Variants in KIT observed in about 807,000 individuals in gnomAD.
KIT encodes KIT proto-oncogene, receptor tyrosine kinase.
KIT carries 16 observed loss-of-function variants against 105.7 expected under a neutral mutation model. The ratio of observed to expected loss-of-function variants is 0.15; its 90% confidence interval spans 0.10 to 0.23. The LOEUF is 0.23. Ranked by LOEUF, KIT falls within the 10% of genes least tolerant of loss-of-function variation. The pLI, the probability that KIT is intolerant of heterozygous loss-of-function variation, is 1.00. For missense variants in KIT, 858 were observed against 1,213.8 expected (o/e 0.71, Z 4.36); for synonymous variants, 438 against 441.1 (o/e 0.99, Z 0.09).
In KIT at chr4:54,732,045, A is replaced by ATTT. The variant is rs71662297; in HGVS notation, c.2361+70_2361+72dup. The ATTT allele has an allele frequency of 5.3e-3, 4,689 of 883,210 alleles. 1 individual carries two copies. The highest frequency in any genetic ancestry group is 6.9e-3 in the Middle Eastern group (18 of 2,600). The allele number at this position is 883,210 out of a possible 1,614,324, so 54.7% of individuals were successfully genotyped here. ...AAGAGTTTTGTGTTTTGTTTTTTTG[A>ATTT]TTTTTTTTTTTTTTTTTTTTTTTTT... On this transcript the variant is annotated intron_variant, in intron 16 of 20. Transcript: ENST00000288135.
intron 7 of KIT, among the ~76,000 whole-genome samples, chr4:54,713,969 A>G (rs746452159): frequency 6.6e-6 from 1 of 152,220 alleles, no homozygotes; most frequent in Non-Finnish European, 1.5e-5. Flanking sequence ...CATGGTTGCC[A>G]TCTTTGAGTA....
At chr4:54,713,114 T>A (rs1163215469) in intron 7 of KIT, among the ~76,000 whole-genome samples, 1 of 152,154 alleles carries the variant, frequency 6.6e-6, no homozygotes, top group Non-Finnish European at 1.5e-5. Context: ...GTAGTATTTT[T>A]AAAAATTTTA....
At chr4:54,667,731 T>C (rs1375178128) in intron 1 of KIT, among the ~76,000 whole-genome samples, 1 of 149,282 alleles carries the variant, frequency 6.7e-6, no homozygotes, top group Admixed American at 6.6e-5. Flanking sequence ...TGCAGTGCTA[T>C]ATGTGATGAG....
At chr4:54,705,000 A>G (rs1720698137) in intron 5 of KIT, among the ~76,000 whole-genome samples, 2 of 152,222 alleles carry the variant, frequency 1.3e-5, no homozygotes, top group South Asian at 2.1e-4. Flanking sequence ...TTGCAATTAT[A>G]GTCAGCACAC....
intron 1 of KIT, among the ~76,000 whole-genome samples, chr4:54,675,166 T>G (rs989546338): frequency 1.3e-5 from 2 of 152,324 alleles, no homozygotes; most frequent in Middle Eastern, 3.4e-3. Flanking sequence ...TTAAATTACC[T>G]ACTAAAAGGT....
At chr4:54,690,321 T>G (rs1719619523) in intron 1 of KIT, among the ~76,000 whole-genome samples, 1 of 152,236 alleles carries the variant, frequency 6.6e-6, no homozygotes, top group African/African-American at 2.4e-5. Context: ...CAGAGGCATT[T>G]CTTTTATTTT....
At position 54,682,882 on chromosome 4, in the gene KIT, G is replaced by A. The variant is rs533210252; in HGVS notation, c.68-12630G>A. Among the ~76,000 whole-genome samples, 12 of 151,920 alleles carry A rather than the reference G, an allele frequency of 7.9e-5. 1 individual carries two copies. The South Asian group carries it at 2.5e-3, about 32-fold the overall frequency. The stretch of plus-strand genomic sequence containing the variant: ...TTCTTGTGCCTCAGCCTCCTGAGTA[G>A]CTGGGATTACAGGCATGCTACACCA... On this transcript the variant is annotated intron_variant, in intron 1 of 20. Coordinates refer to ENST00000288135, the MANE Select transcript of KIT (RefSeq NM_000222.3).
intron 1 of KIT, among the ~76,000 whole-genome samples, chr4:54,664,124 A>G (rs1284964731): frequency 6.6e-6 from 1 of 152,200 alleles, no homozygotes. Context: ...CACATAGGAG[A>G]TAATATTTGA....
intron 8 of KIT, 77 bp downstream of exon 8, chr4:54,723,775 T>C (rs1722043576): frequency 1.0e-6 from 1 of 967,078 alleles, no homozygotes; most frequent in African/African-American, 1.6e-5. Flanking sequence ...AAATATGTTT[T>C]CTGATTTTTT....
intron 2 of KIT, among the ~76,000 whole-genome samples, chr4:54,696,194 G>A (rs2109664371): frequency 6.6e-6 from 1 of 152,176 alleles, no homozygotes; most frequent in Admixed American, 6.5e-5. Flanking sequence ...GAAAGATGTG[G>A]CCCACTCTTA....
chr4:54,680,841 C>T (rs1316930111), intron 1 of KIT, among the ~76,000 whole-genome samples: 1 of 152,150 alleles, frequency 6.6e-6, no homozygotes, highest in Non-Finnish European at 1.5e-5. Flanking sequence ...CACACCTGTC[C>T]AGGACAGTGC....
intron 4 of KIT, among the ~76,000 whole-genome samples, chr4:54,702,037 T>G: frequency 6.6e-6 from 1 of 152,342 alleles, no homozygotes; most frequent in East Asian, 1.9e-4. Flanking sequence ...GCTCTTGACT[T>G]ACCTAAGATC....
rs1384825208 is a variant in KIT, at chr4:54,658,096, C to T, written c.67+15C>T. On this transcript the variant is annotated intron_variant, in intron 1 of 20. Transcript: ENST00000288135. ...CGTCCAGACAGGTGGGACACCGCGG[C>T]TGGCACCCCGACCGTGCGACTACTC... 1.2e-6 allele frequency: 2 copies of T among 1,613,302 alleles called. No homozygotes were observed. The highest frequency in any genetic ancestry group is 2.2e-5 in the East Asian group (1 of 44,828).
intron 7 of KIT, among the ~76,000 whole-genome samples, chr4:54,720,467 C>T (rs1024574237): frequency 2.0e-5 from 3 of 152,204 alleles, no homozygotes; most frequent in Non-Finnish European, 2.9e-5. Context: ...TTAGAGCATA[C>T]TTGTAACCAA....
intron 1 of KIT, among the ~76,000 whole-genome samples, 174 bp downstream of exon 1, chr4:54,658,255 C>G (rs1408417512): frequency 6.6e-6 from 1 of 152,114 alleles, no homozygotes; most frequent in Non-Finnish European, 1.5e-5. Context: ...CGCCCTGCCT[C>G]GCTCACCTGC....
chr4:54,688,857 C>T (rs1211451169), intron 1 of KIT, among the ~76,000 whole-genome samples: 2 of 152,234 alleles, frequency 1.3e-5, no homozygotes, highest in East Asian at 3.8e-4. Context: ...TGCTCTGCTT[C>T]CCCAAAACTA....
At chr4:54,696,656 G>T (rs950320053) in intron 2 of KIT, among the ~76,000 whole-genome samples, 4 of 152,222 alleles carry the variant, frequency 2.6e-5, no homozygotes, top group African/African-American at 4.8e-5. Context: ...ACAGTATTTG[G>T]ATAAGATGAT....
At chr4:54,661,395 G>A (rs963691874) in intron 1 of KIT, among the ~76,000 whole-genome samples, 1 of 152,160 alleles carries the variant, frequency 6.6e-6, no homozygotes, top group Admixed American at 6.5e-5. Context: ...ACAGCCCTTC[G>A]AAGTTACCCT....
chr4:54,727,176 T>C, intron 9 of KIT, 42 bp from the exon 10 acceptor site: 2 of 1,564,576 alleles, frequency 1.3e-6, no homozygotes, highest in Non-Finnish European at 1.8e-6. Flanking sequence ...AGAGATCCCA[T>C]CCTGCCAAAG....
Sources: gnomAD v4.1 joint callset for allele counts (sites outside exome capture counted in the v4.1 genomes callset) on GRCh38, gnomAD v4.1.1 for gene constraint, MANE v1.5 for transcripts, NCBI Gene and HGNC (gene_info 2026-07-23, HGNC 2026-07-21) for gene names.